Variants in KATNA1 observed in about 807,000 individuals in gnomAD.
The protein encoded by KATNA1 is katanin catalytic subunit A1.
KATNA1 carries 42 observed loss-of-function variants against 62.6 expected under a neutral mutation model. That is an observed-to-expected ratio of 0.67 (90% CI 0.52 to 0.87). KATNA1 has a LOEUF of 0.87. KATNA1 is among the 40% of genes least tolerant of loss of function. KATNA1 has a pLI of 0.00. For synonymous variants in KATNA1, 186 were observed against 201.9 expected (o/e 0.92, Z 0.67); for missense variants, 498 against 612.5 (o/e 0.81, Z 1.97).
chr6:149,594,921 T>TA lies in KATNA1; in HGVS notation c.*114dup, dbSNP rs1459466259. On this transcript the variant is annotated 3_prime_UTR_variant, in exon 11 of 11. Coordinates refer to ENST00000367411, the MANE Select transcript of KATNA1 (RefSeq NM_007044.4). ...TTATTCAGAATCATAAGGGTTTTTT[T>TA]AAAAAAATCTTACCATTATGAAAGT... 8.0e-6 allele frequency: 6 copies of TA among 749,324 alleles called. No homozygotes were observed. Among genetic ancestry groups the TA allele is most frequent in the East Asian group, 2.9e-5 (1 of 34,590 alleles). The allele number at this position is 749,324 out of a possible 1,614,324, so 46.4% of individuals were successfully genotyped here. A position where few individuals can be genotyped will look rare whatever the true frequency, so the allele number is the denominator to read the frequency against.
rs548211125 is a variant in KATNA1, at chr6:149,632,175, C to T, written c.320+584G>A. Among the ~76,000 whole-genome samples the T allele has an allele frequency of 2.9e-4, 44 of 151,936 alleles. 1 individual carries two copies. The highest frequency in any genetic ancestry group is 8.7e-4 in the African/African-American group (36 of 41,420). On this transcript the variant is annotated intron_variant, in intron 3 of 10. Coordinates refer to ENST00000367411, the MANE Select transcript of KATNA1 (RefSeq NM_007044.4). The stretch of plus-strand genomic sequence containing the variant: ...TTGGGAGGCTGAGGCAGGTGGATCA[C>T]GAGGTGAGGAGAACGAGACCAGCCT...
At position 149,597,120 on chromosome 6, in the gene KATNA1, G is replaced by A; in HGVS notation, c.1220C>T (p.Ala407Val). The change falls in exon 10 of 11, where the codon GCA (alanine) becomes GTA (valine). Residue 407 changes from alanine to valine, a missense_variant. Around this residue, in one of 3 missense-constraint regions of KATNA1, gnomAD observed 267 missense variants for 372.6 expected, o/e 0.72. Transcript: ENST00000367411. ...ACCTTCCATGTTTTCTGCTATACTT[G>A]CAAGGTCAACATCATCAGCCAATTC... ...ELELADDVDL[A>V]SIAENMEGYS... 9 of 1,614,002 alleles carry A rather than the reference G, an allele frequency of 5.6e-6. No homozygotes were observed. Among genetic ancestry groups the A allele is most frequent in the Non-Finnish European group, 7.6e-6 (9 of 1,179,896 alleles).
intron 4 of KATNA1, among the ~76,000 whole-genome samples, chr6:149,610,315 CA>C (rs752874881): frequency 1.3e-5 from 2 of 149,044 alleles, no homozygotes; most frequent in Non-Finnish European, 3.0e-5. Context: ...AAAAAAAAAT[CA>C]GCAAGGATAT....
At position 149,622,417 on chromosome 6, in the gene KATNA1, T is replaced by TAC. The variant is rs372827511; in HGVS notation, c.501+684_501+685dup. The stretch of plus-strand genomic sequence containing the variant: ...TTGAAGGTTAAAGGAGCATTATATA[T>TAC]ACAACTTAGTCTCAAATGGTTCAGG... On this transcript the variant is annotated intron_variant, in intron 4 of 10. Transcript: ENST00000367411. 6.0e-3 allele frequency among the ~76,000 whole-genome samples: 916 copies of TAC among 152,276 alleles called. 7 individuals are homozygous for TAC. The highest frequency in any genetic ancestry group is 0.034 in the Middle Eastern group (10 of 294).
chr6:149,632,855 C>T lies in KATNA1; in HGVS notation c.224G>A (p.Ser75Asn), dbSNP rs183436239. ...CAAGGGAGTGCTGTCCAGTTTAAAG[C>T]TCTCTAGTGTTTTCATGATATCTTT... ...HVKDIMKTLE[S>N]FKLDSTPLKA... is the part of the protein sequence containing the mutation. The change falls in exon 3 of 11, where the codon AGC becomes AAC. Residue 75 changes from serine to asparagine, a missense_variant. Around this residue, in one of 3 missense-constraint regions of KATNA1, gnomAD observed 203 missense variants for 198.4 expected, o/e 1.02. Transcript: ENST00000367411. 1.2e-6 allele frequency: 2 copies of T among 1,613,152 alleles called. No homozygotes were observed. Among genetic ancestry groups the T allele is most frequent in the Admixed American group, 3.3e-5 (2 of 59,786 alleles).
chr6:149,597,716 A>T lies in KATNA1; in HGVS notation c.1016-75T>A, dbSNP rs564258541. On this transcript the variant is annotated intron_variant, in intron 8 of 10. Coordinates refer to ENST00000367411, the MANE Select transcript of KATNA1 (RefSeq NM_007044.4). ...CCAAATGAAGCTCAGCTATTTAAAGATCAACAACTATTTAGTACAACAATA... is the reference window on the plus strand; with the variant it reads ...CCAAATGAAGCTCAGCTATTTAAAGTTCAACAACTATTTAGTACAACAATA... 9.3e-5 allele frequency: 128 copies of T among 1,380,484 alleles called. 2 individuals are homozygous for T. In the South Asian group the frequency reaches 1.5e-3, roughly 16 times the overall value. The allele number at this position is 1,380,484 out of a possible 1,614,324, so 85.5% of individuals were successfully genotyped here.
At chr6:149,626,727 T>C (rs1410211951) in intron 3 of KATNA1, among the ~76,000 whole-genome samples, 3 of 151,458 alleles carry the variant, frequency 2.0e-5, no homozygotes, top group African/African-American at 7.3e-5. Flanking sequence ...CTCACGCCTG[T>C]AATCTCAGCA....
intron 3 of KATNA1, among the ~76,000 whole-genome samples, chr6:149,628,407 C>T (rs1380708390): frequency 2.6e-5 from 4 of 151,628 alleles, no homozygotes; most frequent in Non-Finnish European, 5.9e-5. Context: ...CCGTGCCTGG[C>T]CTGTACTCAC....
At chr6:149,601,876 A>G (rs573027977) in intron 6 of KATNA1, 124 bp from the exon 7 acceptor site, 4 of 562,640 alleles carry the variant, frequency 7.1e-6, no homozygotes, top group South Asian at 5.6e-5. Flanking sequence ...ATAAAAGACA[A>G]ACAGATAAAC....
intron 1 of KATNA1, among the ~76,000 whole-genome samples, chr6:149,642,358 T>C (rs1582814370): frequency 6.6e-6 from 1 of 152,326 alleles, no homozygotes; most frequent in South Asian, 2.1e-4. Flanking sequence ...TATGTATGCA[T>C]GTATATGTAC....
intron 1 of KATNA1, among the ~76,000 whole-genome samples, chr6:149,642,507 T>A (rs1008956146): frequency 2.0e-5 from 3 of 152,104 alleles, no homozygotes; most frequent in African/African-American, 7.2e-5. Context: ...ATGACAGAAA[T>A]CTTTGAGAAA....
chr6:149,618,434 T>G (rs1266057280), intron 4 of KATNA1, among the ~76,000 whole-genome samples: 1 of 151,390 alleles, frequency 6.6e-6, no homozygotes, highest in African/African-American at 2.4e-5. Context: ...GCCGAGATCC[T>G]GCCACTGCAC....
chr6:149,626,740 T>C (rs1163137522), intron 3 of KATNA1, among the ~76,000 whole-genome samples: 1 of 151,120 alleles, frequency 6.6e-6, no homozygotes, highest in Non-Finnish European at 1.5e-5. Context: ...TCTCAGCACT[T>C]TGGGAGGCTG....
intron 4 of KATNA1, among the ~76,000 whole-genome samples, chr6:149,610,088 A>C (rs1282741572): frequency 1.4e-5 from 2 of 144,924 alleles, no homozygotes; most frequent in Non-Finnish European, 3.0e-5. Context: ...AACAAGAGTG[A>C]AACTCCGTCT....
At chr6:149,598,875 T>A (rs527275630) in intron 7 of KATNA1, among the ~76,000 whole-genome samples, 14 of 152,258 alleles carry the variant, frequency 9.2e-5, no homozygotes, top group South Asian at 6.2e-4. Context: ...TTATTTATTT[T>A]TTTTTAAGAG....
chr6:149,617,292 C>T (rs1043276594), intron 4 of KATNA1, among the ~76,000 whole-genome samples: 1 of 152,158 alleles, frequency 6.6e-6, no homozygotes, highest in Admixed American at 6.6e-5. Flanking sequence ...CACTGAACTG[C>T]ACACTTGAAA....
chr6:149,597,571 G>A lies in KATNA1; in HGVS notation c.1086C>T (p.Pro362=). ...MVMVLAATNF[P]WDIDEALRRR... The stretch of plus-strand genomic sequence containing the variant: ...GTCTTAAAGCCTCATCTATATCCCA[G>A]GGAAAATTAGTAGCTGCCAGAACCA... Residue 362 remains proline, a synonymous_variant, in exon 9 of 11, where the codon CCC becomes CCT. Transcript: ENST00000367411. 1 of 1,613,910 alleles carries A rather than the reference G, an allele frequency of 6.2e-7. No homozygotes were observed. Among genetic ancestry groups the A allele is most frequent in the Non-Finnish European group, 8.5e-7 (1 of 1,179,858 alleles).
At position 149,623,191 on chromosome 6, in the gene KATNA1, C is replaced by T; in HGVS notation, c.413G>A (p.Arg138His). 3.1e-6 allele frequency: 5 copies of T among 1,613,544 alleles called. No homozygotes were observed. Among genetic ancestry groups the T allele is most frequent in the South Asian group, 1.1e-5 (1 of 91,028 alleles). ...ATTGTGAACATTCTGTGCAGATGAA[C>T]GGTGAACTCTGACAGTTGTACTTGG... ...NRPSTTVRVHRSSAQNVHNDR... is the reference protein window; with the variant it reads ...NRPSTTVRVHHSSAQNVHNDR... The change falls in exon 4 of 11, where the codon CGT (arginine) becomes CAT (histidine). Residue 138 changes from arginine to histidine, a missense_variant. Arg to His is a conservative substitution (Grantham distance 29, BLOSUM62 0). This residue lies in a region of KATNA1 where 203 missense variants were observed against 198.4 expected (regional missense o/e 1.02). Transcript: ENST00000367411.
At chr6:149,613,303 C>G (rs1169737853) in intron 4 of KATNA1, among the ~76,000 whole-genome samples, 3 of 145,802 alleles carry the variant, frequency 2.1e-5, no homozygotes, top group Non-Finnish European at 4.5e-5. Flanking sequence ...AAATCAGGAA[C>G]AGGAACACAG....
Sources: gnomAD v4.1 joint callset for allele counts (sites outside exome capture counted in the v4.1 genomes callset) on GRCh38, gnomAD v4.1.1 for gene constraint, gnomAD v4.1.1 regional missense constraint, MANE v1.5 for transcripts, NCBI Gene and HGNC (gene_info 2026-07-23, HGNC 2026-07-21) for gene names.